Variants in FSTL5 observed in about 807,000 individuals in gnomAD.
The protein encoded by FSTL5 is follistatin-related protein 5.
FSTL5 carries 62 observed loss-of-function variants against 89.1 expected under a neutral mutation model. The observed-to-expected ratio is 0.70, with a 90% CI of 0.57 to 0.86. The LOEUF (loss-of-function observed/expected upper bound fraction) is 0.86. Among genes scored for constraint, FSTL5 ranks in the 40% least tolerant of loss-of-function variants. FSTL5 has a pLI of 0.00. For synonymous variants in FSTL5, 383 were observed against 346.2 expected (o/e 1.11, Z -1.18); for missense variants, 1,057 against 1,001.6 (o/e 1.06, Z -0.75).
At chr4:161,760,930 A>T (rs1003188481) in intron 5 of FSTL5, among the ~76,000 whole-genome samples, 1 of 152,166 alleles carries the variant, frequency 6.6e-6, no homozygotes, top group Non-Finnish European at 1.5e-5. Flanking sequence ...TAACTCTGAA[A>T]ATGGAGCTAA....
At chr4:161,916,181 GCA>G (rs1305892819) in intron 4 of FSTL5, among the ~76,000 whole-genome samples, 2 of 152,130 alleles carry the variant, frequency 1.3e-5, no homozygotes, top group East Asian at 3.9e-4. Flanking sequence ...TGCTTGTGAT[GCA>G]CATTTAAGTG....
At chr4:161,961,851 T>C (rs1054602199) in intron 3 of FSTL5, among the ~76,000 whole-genome samples, 2 of 151,678 alleles carry the variant, frequency 1.3e-5, no homozygotes, top group African/African-American at 4.8e-5. Context: ...TCCTTATATG[T>C]ATTACATGAC....
At chr4:161,478,506 TG>T in intron 13 of FSTL5, among the ~76,000 whole-genome samples, 1 of 152,248 alleles carries the variant, frequency 6.6e-6, no homozygotes, top group South Asian at 2.1e-4. Context: ...TACTGTTAGG[TG>T]CATCACAACC....
intron 6 of FSTL5, among the ~76,000 whole-genome samples, chr4:161,720,259 A>C (rs1047893395): frequency 1.3e-5 from 2 of 152,094 alleles, no homozygotes; most frequent in African/African-American, 4.8e-5. Flanking sequence ...CAGATACATG[A>C]ATAAAATGCT....
At chr4:161,466,041 T>C (rs985392105) in intron 13 of FSTL5, among the ~76,000 whole-genome samples, 7 of 152,200 alleles carry the variant, frequency 4.6e-5, no homozygotes, top group South Asian at 2.1e-4. Context: ...ATTGTCATGA[T>C]GAATGAACTT....
chr4:161,579,511 G>A (rs1258667314), intron 8 of FSTL5, among the ~76,000 whole-genome samples: 3 of 151,720 alleles, frequency 2.0e-5, no homozygotes, highest in Non-Finnish European at 4.4e-5. Context: ...TGAGGTCAGG[G>A]GTTTGAGACC....
intron 6 of FSTL5, among the ~76,000 whole-genome samples, chr4:161,659,940 C>T (rs1347228418): frequency 6.6e-6 from 1 of 152,076 alleles, no homozygotes; most frequent in Non-Finnish European, 1.5e-5. Flanking sequence ...CCCTCTGCAT[C>T]CTTTCTGCTC....
At chr4:161,742,079 A>T (rs1740048021) in intron 6 of FSTL5, among the ~76,000 whole-genome samples, 1 of 152,102 alleles carries the variant, frequency 6.6e-6, no homozygotes, top group South Asian at 2.1e-4. Flanking sequence ...TTTGGATAAT[A>T]CTTTGGTATA....
intron 15 of FSTL5, among the ~76,000 whole-genome samples, chr4:161,434,374 A>G (rs1338334821): frequency 6.6e-6 from 1 of 151,974 alleles, no homozygotes; most frequent in Non-Finnish European, 1.5e-5. Flanking sequence ...ATAAAATTAG[A>G]CCCCCATCTC....
chr4:161,532,797 T>TGTGCCCA (rs1731463749), intron 10 of FSTL5, among the ~76,000 whole-genome samples: 1 of 152,092 alleles, frequency 6.6e-6, no homozygotes, highest in Middle Eastern at 3.2e-3. Context: ...CATTCTTCTC[T>TGTGCCCA]TTTGCCCATG....
intron 6 of FSTL5, among the ~76,000 whole-genome samples, chr4:161,735,152 G>A (rs1020479329): frequency 6.6e-6 from 1 of 152,134 alleles, no homozygotes; most frequent in Non-Finnish European, 1.5e-5. Context: ...TGCTGGAACT[G>A]CTCACATAAC....
At chr4:162,143,744 A>C (rs374815984) in intron 1 of FSTL5, among the ~76,000 whole-genome samples, 135 of 21,524 alleles carry the variant, frequency 6.3e-3, no homozygotes, top group African/African-American at 0.018. Context: ...ACACACACAC[A>C]CACACCCAGG....
intron 4 of FSTL5, among the ~76,000 whole-genome samples, chr4:161,903,121 T>C (rs1560908141): frequency 6.6e-6 from 1 of 152,194 alleles, no homozygotes. Context: ...CCTTACAGGA[T>C]GTCAAAATCT....
intron 3 of FSTL5, among the ~76,000 whole-genome samples, chr4:162,032,129 T>C (rs1276810588): frequency 1.3e-5 from 2 of 152,144 alleles, no homozygotes; most frequent in African/African-American, 2.4e-5. Flanking sequence ...ATGATTTATA[T>C]ACCCCAAGGC....
At chr4:162,113,314 A>AC (rs113444035) in intron 1 of FSTL5, among the ~76,000 whole-genome samples, 128,103 of 151,678 alleles carry the variant, frequency 0.84, 54,433 homozygotes, top group Non-Finnish European at 0.89. Flanking sequence ...TAAACTCATC[A>AC]TTAATTCTTT....
chr4:161,541,455 TCTC>T (rs974164940), intron 9 of FSTL5, among the ~76,000 whole-genome samples: 20 of 150,766 alleles, frequency 1.3e-4, no homozygotes, highest in African/African-American at 4.7e-4. Flanking sequence ...TAATAAGTCT[TCTC>T]CTCTCAGATT....
intron 4 of FSTL5, among the ~76,000 whole-genome samples, chr4:161,846,232 ATG>A (rs1180257966): frequency 6.6e-6 from 1 of 152,086 alleles, no homozygotes; most frequent in Non-Finnish European, 1.5e-5. Context: ...TAAAAAATAA[ATG>A]TGTGTATTTA....
At chr4:162,156,408 AAATT>A (rs1181995053) in intron 1 of FSTL5, among the ~76,000 whole-genome samples, 1 of 152,152 alleles carries the variant, frequency 6.6e-6, no homozygotes, top group African/African-American at 2.4e-5. Flanking sequence ...AGCCACAAGA[AAATT>A]AATCATTCTA....
chr4:161,592,341 A>AG (rs1442332064), intron 7 of FSTL5, among the ~76,000 whole-genome samples: 1 of 152,046 alleles, frequency 6.6e-6, no homozygotes, highest in Admixed American at 6.6e-5. Flanking sequence ...TTTGTTACAA[A>AG]GGTATACACG....
Sources: gnomAD v4.1 joint callset for allele counts (sites outside exome capture counted in the v4.1 genomes callset) on GRCh38, gnomAD v4.1.1 for gene constraint, MANE v1.5 for transcripts, NCBI Gene and HGNC (gene_info 2026-07-23, HGNC 2026-07-21) for gene names.